Variants in SGMS2 observed in about 807,000 individuals in gnomAD.
SGMS2 encodes the protein phosphatidylcholine:ceramide cholinephosphotransferase 2.
Under a neutral mutation model 43.8 loss-of-function variants are expected in SGMS2, and 21 were observed. The observed-to-expected ratio is 0.48, with a 90% CI of 0.34 to 0.69. The LOEUF (loss-of-function observed/expected upper bound fraction) is 0.69, where lower values mean the gene tolerates loss of function less well. Ranked by LOEUF, SGMS2 falls within the 30% of genes least tolerant of loss-of-function variation. SGMS2 has a pLI of 0.01. For synonymous variants in SGMS2, 167 were observed against 160.6 expected (o/e 1.04, Z -0.30); for missense variants, 384 against 443.2 (o/e 0.87, Z 1.20).
At chr4:107,903,157 AAG>A in intron 4 of SGMS2, 74 bp from the exon 5 acceptor site, 2 of 1,424,402 alleles carry the variant, frequency 1.4e-6, no homozygotes, top group Non-Finnish European at 2.0e-6. Context: ...TGTCCTTTCT[AAG>A]AGTCACACAA....
chr4:107,851,830 C>T (rs572646439), intron 1 of SGMS2, among the ~76,000 whole-genome samples: 1 of 152,096 alleles, frequency 6.6e-6, no homozygotes, highest in Non-Finnish European at 1.5e-5. Flanking sequence ...TAAATATGTA[C>T]ATTTTCCTTT....
At chr4:107,860,367 T>C (rs530637689) in intron 2 of SGMS2, among the ~76,000 whole-genome samples, 1 of 152,276 alleles carries the variant, frequency 6.6e-6, no homozygotes, top group South Asian at 2.1e-4. Flanking sequence ...TTGTGGCCAA[T>C]TGTTTGCTCT....
chr4:107,881,797 TTCTATC>T (rs1267491159), intron 2 of SGMS2, among the ~76,000 whole-genome samples: 3 of 152,120 alleles, frequency 2.0e-5, no homozygotes, highest in African/African-American at 7.2e-5. Flanking sequence ...GTAACCATCT[TTCTATC>T]TCTATCACCA....
rs777045135 is a variant in SGMS2, at chr4:107,895,923, G to A, written c.370G>A (p.Val124Met). 2.5e-6 allele frequency: 4 copies of A among 1,613,838 alleles called. No individual in the cohort carries two copies. The East Asian group carries it at 8.9e-5, about 36-fold the overall frequency. ...CAAGTTTTTTGATTACATTGATAGG[G>A]TGAAATGGGCATTTTCTGTATCAGA... The part of the protein sequence containing the change: ...PDKFFDYIDR[V>M]KWAFSVSEIN... The change falls in exon 3 of 7, where the codon GTG (valine) becomes ATG (methionine). Residue 124 changes from valine (V) to methionine (M), a missense_variant. Physicochemically the swap from Val to Met is conservative, Grantham distance 21. Transcript: ENST00000690982.
chr4:107,882,159 A>G (rs1237331609), intron 2 of SGMS2, among the ~76,000 whole-genome samples: 1 of 152,068 alleles, frequency 6.6e-6, no homozygotes, highest in Non-Finnish European at 1.5e-5. Context: ...TGGTAGTTCT[A>G]TTTTTAGTTT....
intron 1 of SGMS2, among the ~76,000 whole-genome samples, chr4:107,837,116 T>G (rs1726231188): frequency 6.6e-6 from 1 of 152,208 alleles, no homozygotes; most frequent in Non-Finnish European, 1.5e-5. Flanking sequence ...TAACACTTTT[T>G]TTTGCACTTG....
intron 2 of SGMS2, among the ~76,000 whole-genome samples, chr4:107,865,719 C>G (rs1334941258): frequency 6.6e-6 from 1 of 152,096 alleles, no homozygotes; most frequent in African/African-American, 2.4e-5. Flanking sequence ...AGCTTTAATG[C>G]CTTATTTCTT....
chr4:107,906,323 T>G (rs1731569896), intron 5 of SGMS2, among the ~76,000 whole-genome samples: 1 of 152,228 alleles, frequency 6.6e-6, no homozygotes, highest in Admixed American at 6.5e-5. Flanking sequence ...ATTTCGGGGT[T>G]AGCAAGGGAG....
intron 2 of SGMS2, among the ~76,000 whole-genome samples, chr4:107,875,355 G>T (rs1560652747): frequency 6.6e-6 from 1 of 152,180 alleles, no homozygotes; most frequent in Non-Finnish European, 1.5e-5. Context: ...GTCCTGTGCA[G>T]GGACATGGAT....
intron 1 of SGMS2, among the ~76,000 whole-genome samples, chr4:107,852,473 G>A (rs1727207426): frequency 6.6e-6 from 1 of 152,048 alleles, no homozygotes; most frequent in Admixed American, 6.6e-5. Flanking sequence ...GAAATGTTAT[G>A]CCTGGATAAG....
intron 2 of SGMS2, among the ~76,000 whole-genome samples, chr4:107,872,437 A>G (rs1445795621): frequency 1.3e-5 from 2 of 152,164 alleles, no homozygotes; most frequent in Non-Finnish European, 2.9e-5. Flanking sequence ...GAGGGAAGCG[A>G]CTTTTTAAAA....
chr4:107,897,090 G>A (rs1730733121), intron 3 of SGMS2, among the ~76,000 whole-genome samples: 1 of 152,128 alleles, frequency 6.6e-6, no homozygotes, highest in African/African-American at 2.4e-5. Flanking sequence ...TTCATTACTT[G>A]ATCAATTATA....
In SGMS2 at chr4:107,899,573, A is replaced by T. The variant is rs766802252; in HGVS notation, c.456-2A>T. The T allele has an allele frequency of 3.1e-6, 5 of 1,595,116 alleles. No individual in the cohort carries two copies. The Admixed American group carries it at 5.4e-5, about 17-fold the overall frequency. On this transcript the variant is annotated splice_acceptor_variant, in intron 3 of 6. Coordinates refer to ENST00000690982, the MANE Select transcript of SGMS2 (RefSeq NM_001375905.1). LOFTEE classifies it high-confidence loss of function. ...TTTCCCCATCCCTATTTTTTCTTTT[A>T]GGTCAATAGTGGGACGCAGATTCTG... is the stretch of plus-strand genomic sequence containing the variant.
In SGMS2 at chr4:107,903,511, A is replaced by G. The variant is rs10021112; in HGVS notation, c.727+125A>G. ...CTGTGAAAGAGACGGATGTGTGTGT[A>G]TATATGTATGTGAATGTGAATGTGT... On this transcript the variant is annotated intron_variant, in intron 5 of 6. Coordinates refer to ENST00000690982, the MANE Select transcript of SGMS2 (RefSeq NM_001375905.1). 32,834 of 786,038 alleles carry G rather than the reference A, an allele frequency of 0.042. 861 individuals carry two copies. Among genetic ancestry groups the G allele is most frequent in the African/African-American group, 0.1 (5,938 of 57,406 alleles). 48.7% of individuals were successfully genotyped at this position (786,038 alleles called of 1,614,324 possible). A position where few individuals can be genotyped will look rare whatever the true frequency, so the allele number is the denominator to read the frequency against.
intron 2 of SGMS2, among the ~76,000 whole-genome samples, chr4:107,876,341 T>TA (rs1161587761): frequency 6.6e-6 from 1 of 152,210 alleles, no homozygotes; most frequent in South Asian, 2.1e-4. Context: ...CCAAATGTTC[T>TA]AGCCACAGCA....
At chr4:107,846,065 G>A (rs1281943173) in intron 1 of SGMS2, among the ~76,000 whole-genome samples, 1 of 152,054 alleles carries the variant, frequency 6.6e-6, no homozygotes. Flanking sequence ...TGAGCAAATT[G>A]TCATTATTCT....
At chr4:107,832,657 T>C (rs1725955353) in intron 1 of SGMS2, among the ~76,000 whole-genome samples, 3 of 152,332 alleles carry the variant, frequency 2.0e-5, no homozygotes, top group African/African-American at 7.2e-5. Flanking sequence ...ATTGCACCTG[T>C]TCAAACATAT....
At chr4:107,869,588 G>A (rs1728400670) in intron 2 of SGMS2, among the ~76,000 whole-genome samples, 1 of 152,084 alleles carries the variant, frequency 6.6e-6, no homozygotes. Flanking sequence ...CAAGTAATTG[G>A]ATAAAGGTGA....
At chr4:107,854,053 C>T (rs964441499) in intron 1 of SGMS2, among the ~76,000 whole-genome samples, 1 of 152,190 alleles carries the variant, frequency 6.6e-6, no homozygotes, top group Non-Finnish European at 1.5e-5. Context: ...AAATACATTG[C>T]TATAGTTGAT....
Sources: allele counts gnomAD v4.1 joint callset (sites outside exome capture counted in the v4.1 genomes callset), GRCh38; gene constraint gnomAD v4.1.1; transcripts MANE v1.5; gene names NCBI Gene and HGNC (gene_info 2026-07-23, HGNC 2026-07-21).